The following CEP89 variants were observed in gnomAD, a reference collection of about 807,000 sequenced individuals.
CEP89 encodes centrosomal protein 89.
In CEP89, 95 loss-of-function variants were observed where a neutral mutation model predicts 97.6. The ratio of observed to expected loss-of-function variants is 0.97; its 90% CI spans 0.82 to 1.15. The LOEUF is 1.15. CEP89 is among the 50% of genes most tolerant of loss of function. The probability of loss-of-function intolerance (pLI) is 0.00; values close to 1 mark genes in which losing one functional copy is unlikely to be tolerated. For missense variants in CEP89, 869 were observed against 947.7 expected, an observed-to-expected ratio of 0.92 and a Z score of 1.09; for synonymous variants, 354 against 349.1, an observed-to-expected ratio of 1.01 and a Z score of -0.16.
rs774553093 is a variant in CEP89 at position 32,960,062 on chromosome 19, C to A, written c.147-4G>T. 1.2e-6 allele frequency: 2 copies of A among 1,613,774 alleles called. No individual in the cohort carries two copies. The highest frequency in any genetic ancestry group is 2.7e-5 in the African/African-American group (2 of 74,914). ...AATGGCTGCTGCCAGAGCAGATCTG[C>A]GGACAAAAACATCCCATGGAGACAG... is the stretch of plus-strand genomic sequence containing the variant. On this transcript the variant is annotated splice_region_variant and splice_polypyrimidine_tract_variant and intron_variant, in intron 2 of 18. Coordinates refer to ENST00000305768, the MANE Select transcript of CEP89 (RefSeq NM_032816.5).
At chr19:32,892,210 T>C (rs1235361416) in intron 16 of CEP89, among the ~76,000 whole-genome samples, 1 of 20,620 alleles carries the variant, frequency 4.8e-5, no homozygotes, top group Non-Finnish European at 8.9e-5. Flanking sequence ...GACATATATA[T>C]ATATATATAT....
chr19:32,881,762 A>G (rs1476850696), intron 18 of CEP89, 82 bp downstream of exon 18: 3 of 1,312,978 alleles, frequency 2.3e-6, no homozygotes, highest in Non-Finnish European at 3.1e-6. Flanking sequence ...AACAAATAAA[A>G]CAGGCCCAGA....
intron 14 of CEP89, among the ~76,000 whole-genome samples, chr19:32,915,034 C>T (rs1007859326): frequency 1.3e-5 from 2 of 151,876 alleles, no homozygotes; most frequent in African/African-American, 4.8e-5. Flanking sequence ...AAAAAAAAGT[C>T]CCAGTCTCAC....
chr19:32,881,738 A>C, intron 18 of CEP89, 106 bp downstream of exon 18: 1 of 1,130,892 alleles, frequency 8.8e-7, no homozygotes, highest in African/African-American at 1.6e-5. Flanking sequence ...TGTAGAAACA[A>C]AATTAAACAA....
chr19:32,926,692 G>T (rs999480280), intron 10 of CEP89, among the ~76,000 whole-genome samples: 27 of 152,190 alleles, frequency 1.8e-4, no homozygotes, highest in Non-Finnish European at 4.0e-4. Context: ...CTCCCAAGTA[G>T]CTGGGACTAT....
At chr19:32,927,792 A>T (rs1383088783) in intron 9 of CEP89, among the ~76,000 whole-genome samples, 1 of 149,846 alleles carries the variant, frequency 6.7e-6, no homozygotes, top group East Asian at 2.0e-4. Context: ...TTTTGTAGAA[A>T]TGGGGTTTCA....
chr19:32,971,806 C>G (rs926074903), intron 1 of CEP89, 30 bp downstream of exon 1: 2 of 1,583,650 alleles, frequency 1.3e-6, no homozygotes, highest in African/African-American at 2.7e-5. Context: ...CCCACAGAGC[C>G]CCACGCGCGG....
chr19:32,942,978 G>A (rs1016460459), intron 5 of CEP89, among the ~76,000 whole-genome samples: 3 of 151,568 alleles, frequency 2.0e-5, no homozygotes, highest in African/African-American at 7.3e-5. Context: ...CCAGCTGCCA[G>A]GCTCAGATGA....
chr19:32,923,603 T>A, intron 11 of CEP89, 61 bp from the exon 12 acceptor site: 1 of 1,074,200 alleles, frequency 9.3e-7, no homozygotes, highest in Non-Finnish European at 1.4e-6. Context: ...ATTTCTCAGT[T>A]CTGGTGCTGC....
At chr19:32,906,918 C>G (rs1005281899) in intron 14 of CEP89, among the ~76,000 whole-genome samples, 1 of 152,168 alleles carries the variant, frequency 6.6e-6, no homozygotes, top group Non-Finnish European at 1.5e-5. Context: ...TTCTCTGTCT[C>G]AAACTCCTGG....
At chr19:32,921,421 C>A (rs557092770) in intron 12 of CEP89, among the ~76,000 whole-genome samples, 1 of 152,252 alleles carries the variant, frequency 6.6e-6, no homozygotes, top group African/African-American at 2.4e-5. Context: ...AAGAGGCTGG[C>A]GGCCAGGGAG....
chr19:32,950,828 T>C (rs1970896828), intron 4 of CEP89, among the ~76,000 whole-genome samples: 1 of 152,208 alleles, frequency 6.6e-6, no homozygotes, highest in Non-Finnish European at 1.5e-5. Flanking sequence ...GGTTGTACAG[T>C]AAAATATACA....
At position 32,881,859 on chromosome 19, in the gene CEP89, G is replaced by A. The variant is rs145013119; in HGVS notation, c.2120C>T (p.Ala707Val). The A allele has an allele frequency of 2.5e-4, 402 of 1,602,902 alleles. No homozygotes were observed. The highest frequency in any genetic ancestry group is 3.2e-4 in the Non-Finnish European group (379 of 1,178,734). The part of the protein sequence containing the change: ...LKDKQEVLDQ[A>V]LQQNREMEGE... ...CATGCCCCACCTGTTCTGCTGCAGCGCCTGGTCCAGCACCTCCTGCTTGTC... is the reference window on the plus strand; with the variant it reads ...CATGCCCCACCTGTTCTGCTGCAGCACCTGGTCCAGCACCTCCTGCTTGTC... The change falls in exon 18 of 19, where the codon GCG becomes GTG. Residue 707 changes from alanine to valine, a missense_variant. Ala to Val is a moderately conservative substitution (Grantham distance 64). Transcript: ENST00000305768.
rs1568550671 is a variant in CEP89, at chr19:32,901,368, T to TC, written c.1609dup (p.Glu537GlyfsTer35). On this transcript the variant is annotated frameshift_variant, in exon 15 of 19. Coordinates refer to ENST00000305768, the MANE Select transcript of CEP89 (RefSeq NM_032816.5). LOFTEE classifies it high-confidence loss of function. ...CAGGACTGTCAGCTTCTCCATCAAC[T>TC]CCTCCATCTCAGCCCTTTCTTTCTC... 1 of 1,614,016 alleles carries TC rather than the reference T, an allele frequency of 6.2e-7. No homozygotes were observed. The highest frequency in any genetic ancestry group is 2.2e-5 in the East Asian group (1 of 44,876).
At chr19:32,901,797 G>T (rs185168478) in intron 14 of CEP89, among the ~76,000 whole-genome samples, 1 of 152,048 alleles carries the variant, frequency 6.6e-6, no homozygotes, top group East Asian at 1.9e-4. Flanking sequence ...GCTAATTTTT[G>T]TATTTTTTGT....
intron 14 of CEP89, among the ~76,000 whole-genome samples, chr19:32,913,268 T>C (rs1317418855): frequency 4.1e-5 from 6 of 147,944 alleles, no homozygotes; most frequent in Admixed American, 2.1e-4. Flanking sequence ...AGATTCTTTT[T>C]GACATGAGAA....
rs769271748 is a variant in CEP89, at chr19:32,879,292, G to A, written c.2222C>T (p.Thr741Met). The change falls in exon 19 of 19, where the codon ACG (threonine) becomes ATG (methionine). Residue 741 changes from threonine to methionine, a missense_variant. Coordinates refer to ENST00000305768, the MANE Select transcript of CEP89 (RefSeq NM_032816.5). The stretch of plus-strand genomic sequence containing the variant: ...GGGGTTGTCCTGCACGCCTGTCCTC[G>A]TGAGTGTGTCCTGGAGAAGTTCTCG... Reference protein sequence around the residue: ...RIRELLQDTLTRTGVQDNPRA... With the variant: ...RIRELLQDTLMRTGVQDNPRA... The A allele has an allele frequency of 3.0e-5, 48 of 1,614,122 alleles. No individual in the cohort carries two copies. Among genetic ancestry groups the A allele is most frequent in the South Asian group, 8.8e-5 (8 of 91,084 alleles).
intron 11 of CEP89, among the ~76,000 whole-genome samples, chr19:32,925,109 C>A (rs1970326985): frequency 6.6e-6 from 1 of 152,154 alleles, no homozygotes; most frequent in East Asian, 1.9e-4. Flanking sequence ...TGATTAGGAA[C>A]AAGCTGGGAG....
intron 14 of CEP89, among the ~76,000 whole-genome samples, chr19:32,910,767 C>A (rs189430201): frequency 6.6e-6 from 1 of 152,244 alleles, no homozygotes; most frequent in African/African-American, 2.4e-5. Flanking sequence ...ATGTCACTGT[C>A]CTCCACCTCC....
Sources: gnomAD v4.1 joint callset for allele counts (sites outside exome capture counted in the v4.1 genomes callset) on GRCh38, gnomAD v4.1.1 for gene constraint, MANE v1.5 for transcripts, NCBI Gene and HGNC (gene_info 2026-07-23, HGNC 2026-07-21) for gene names.